PARD3B: variants seen among roughly 807,000 people sequenced by gnomAD.
The protein encoded by PARD3B is partitioning defective 3 homolog B.
A neutral mutation model predicts 130.2 loss-of-function variants in PARD3B; 103 were observed. The ratio of observed to expected loss-of-function variants is 0.79; its 90% CI spans 0.67 to 0.93. The LOEUF is 0.93. Ranked by LOEUF, PARD3B falls within the 40% of genes least tolerant of loss-of-function variation. The pLI, the probability that PARD3B is intolerant of heterozygous loss-of-function variation, is 0.00. For synonymous variants in PARD3B, 583 were observed against 553.2 expected (o/e 1.05, Z -0.76); for missense variants, 1,609 against 1,499.2 (o/e 1.07, Z -1.21).
intron 18 of PARD3B, among the ~76,000 whole-genome samples, chr2:205,350,840 C>T (rs752208263): frequency 6.6e-6 from 1 of 152,078 alleles, no homozygotes; most frequent in African/African-American, 2.4e-5. Context: ...ATACATACTA[C>T]CCATTTTGTT....
chr2:204,930,710 A>G (rs1251239566), intron 2 of PARD3B, among the ~76,000 whole-genome samples: 1 of 151,986 alleles, frequency 6.6e-6, no homozygotes, highest in Non-Finnish European at 1.5e-5. Context: ...AGAGCCCTCA[A>G]ACCATTTACT....
chr2:205,031,217 C>A (rs1697398780), intron 3 of PARD3B, among the ~76,000 whole-genome samples: 1 of 152,076 alleles, frequency 6.6e-6, no homozygotes, highest in Admixed American at 6.6e-5. Context: ...ATTTTGAGAC[C>A]CACATACCTT....
At chr2:204,582,719 T>C (rs993747175) in intron 1 of PARD3B, among the ~76,000 whole-genome samples, 3 of 152,228 alleles carry the variant, frequency 2.0e-5, no homozygotes, top group Non-Finnish European at 4.4e-5. Flanking sequence ...AAGGGAGGTT[T>C]TCTATACAGC....
chr2:204,850,089 T>A (rs2044647798), intron 2 of PARD3B, among the ~76,000 whole-genome samples: 1 of 152,180 alleles, frequency 6.6e-6, no homozygotes, highest in Non-Finnish European at 1.5e-5. Context: ...TGGTAGTCAA[T>A]CCTGTCAAAC....
Position 205,501,058 on chromosome 2 carries a change from A to G in PARD3B, c.3180+1027A>G, listed in dbSNP as rs1001388994. Among the ~76,000 whole-genome samples, 4 of 152,256 alleles carry G rather than the reference A, an allele frequency of 2.6e-5. No homozygotes were observed. The East Asian group carries it at 7.7e-4, about 29-fold the overall frequency. On this transcript the variant is annotated intron_variant, in intron 21 of 22. Transcript: ENST00000406610. Reference sequence around the variant, plus strand: ...CATAAGGTCAGAGTGGGGAGAATAGAGTCTGGCGACTGAGCTGATTCCCTC... The same window carrying G: ...CATAAGGTCAGAGTGGGGAGAATAGGGTCTGGCGACTGAGCTGATTCCCTC...
chr2:204,970,207 A>G (rs1320531081), intron 3 of PARD3B, among the ~76,000 whole-genome samples: 1 of 152,148 alleles, frequency 6.6e-6, no homozygotes, highest in Non-Finnish European at 1.5e-5. Flanking sequence ...TTTTGTGGCC[A>G]TAGATCAAGG....
At chr2:205,528,578 A>G (rs114889183) in intron 21 of PARD3B, among the ~76,000 whole-genome samples, 1,553 of 150,346 alleles carry the variant, frequency 0.01, 13 homozygotes, top group Non-Finnish European at 0.017. Flanking sequence ...TGCTACCTCT[A>G]CCTCCCAGGT....
intron 2 of PARD3B, among the ~76,000 whole-genome samples, chr2:204,791,123 T>A (rs1358276106): frequency 6.7e-6 from 1 of 149,432 alleles, no homozygotes; most frequent in Non-Finnish European, 1.5e-5. Flanking sequence ...AAAAAAAGGA[T>A]AAAAAAAAAA....
At chr2:204,944,058 CAA>C (rs1689121883) in intron 2 of PARD3B, among the ~76,000 whole-genome samples, 1 of 152,026 alleles carries the variant, frequency 6.6e-6, no homozygotes, top group Admixed American at 6.6e-5. Context: ...AATAGTGAGA[CAA>C]GAGAAGATAA....
rs974383094 is a variant in PARD3B at position 205,227,615 on chromosome 2, CT to C, written c.2141-18154del. Among the ~76,000 whole-genome samples, 12 of 151,122 alleles carry C rather than the reference CT, an allele frequency of 7.9e-5. No homozygotes were observed. In the South Asian group the frequency reaches 8.4e-4, roughly 11 times the overall value. On this transcript the variant is annotated intron_variant, in intron 15 of 22. Transcript: ENST00000406610. ...TCTTATAGGCAACAGATTATTGCAT[CT>C]TTTTTTTTAAATCTATTCAGCCACT...
intron 10 of PARD3B, among the ~76,000 whole-genome samples, chr2:205,154,215 C>A (rs2033957743): frequency 6.6e-6 from 1 of 152,122 alleles, no homozygotes; most frequent in Non-Finnish European, 1.5e-5. Context: ...AAACAAGCAA[C>A]CCCATCCAAA....
intron 20 of PARD3B, 24 bp from the exon 21 acceptor site, chr2:205,499,872 T>A: frequency 6.2e-7 from 1 of 1,608,050 alleles, no homozygotes; most frequent in Non-Finnish European, 8.5e-7. Flanking sequence ...TGTGTGAATC[T>A]GATTATTTGT....
At chr2:205,224,150 A>C (rs1034802207) in intron 15 of PARD3B, among the ~76,000 whole-genome samples, 3 of 150,984 alleles carry the variant, frequency 2.0e-5, no homozygotes, top group African/African-American at 7.3e-5. Context: ...CAGGCGGATC[A>C]TGAGGTCAGG....
intron 2 of PARD3B, among the ~76,000 whole-genome samples, chr2:204,836,538 C>T (rs986685241): frequency 2.0e-5 from 3 of 152,106 alleles, no homozygotes; most frequent in Non-Finnish European, 4.4e-5. Flanking sequence ...TGGTTCATGC[C>T]TGTAATCCCA....
At position 204,612,409 on chromosome 2, in the gene PARD3B, G is replaced by A. The variant is rs10194526; in HGVS notation, c.120+66290G>A. On this transcript the variant is annotated intron_variant, in intron 1 of 22. Coordinates refer to ENST00000406610, the MANE Select transcript of PARD3B (RefSeq NM_001302769.2). The stretch of plus-strand genomic sequence containing the variant: ...CCCAGTTTGTGATCTCTGGTGAAAC[G>A]TTAGATAGGAGACTGTCTTTTCTTC... Among the ~76,000 whole-genome samples the A allele has an allele frequency of 2.1e-3, 315 of 152,316 alleles. 3 individuals are homozygous for A. Among genetic ancestry groups the A allele is most frequent in the African/African-American group, 7.2e-3 (299 of 41,564 alleles).
chr2:205,050,861 C>T (rs867064264), intron 4 of PARD3B, among the ~76,000 whole-genome samples: 4 of 152,004 alleles, frequency 2.6e-5, no homozygotes, highest in Non-Finnish European at 5.9e-5. Context: ...ATCTTTGAGC[C>T]TCACATCATC....
intron 15 of PARD3B, among the ~76,000 whole-genome samples, chr2:205,224,179 A>G (rs1202404801): frequency 2.7e-5 from 4 of 147,810 alleles, no homozygotes; most frequent in Admixed American, 6.7e-5. Context: ...ACCATCCTGG[A>G]GAACATGGTT....
intron 19 of PARD3B, among the ~76,000 whole-genome samples, chr2:205,439,914 T>C (rs1014659106): frequency 1.3e-5 from 2 of 152,212 alleles, no homozygotes; most frequent in African/African-American, 4.8e-5. Context: ...TTCCTTTCTT[T>C]AGAAGAATAC....
At chr2:204,679,495 C>T (rs1258786516) in intron 1 of PARD3B, among the ~76,000 whole-genome samples, 1 of 152,098 alleles carries the variant, frequency 6.6e-6, no homozygotes, top group Admixed American at 6.6e-5. Context: ...TACCCTAACC[C>T]CAGTCAATTT....
Sources: allele counts gnomAD v4.1 joint callset (sites outside exome capture counted in the v4.1 genomes callset), GRCh38; gene constraint gnomAD v4.1.1; transcripts MANE v1.5; gene names NCBI Gene and HGNC (gene_info 2026-07-23, HGNC 2026-07-21).